Variants in NELL1 observed in about 807,000 individuals in gnomAD.
The protein encoded by NELL1 is neural EGFL like 1.
Under a neutral mutation model 107.4 loss-of-function variants are expected in NELL1, and 76 were observed. The ratio of observed to expected loss-of-function variants is 0.71; its 90% CI spans 0.59 to 0.86. NELL1 has a LOEUF of 0.86. NELL1 is among the 40% of genes least tolerant of loss of function. NELL1 has a pLI of 0.00. For missense variants in NELL1, 1,024 were observed against 1,005.5 expected (o/e 1.02, Z -0.25); for synonymous variants, 353 against 341.2 (o/e 1.03, Z -0.38).
intron 12 of NELL1, among the ~76,000 whole-genome samples, chr11:21,065,950 C>T (rs919561018): frequency 6.6e-6 from 1 of 152,082 alleles, no homozygotes; most frequent in Non-Finnish European, 1.5e-5. Context: ...GGGAACTCAC[C>T]CATGTCTACC....
chr11:21,470,979 A>T (rs1854165728), intron 15 of NELL1, among the ~76,000 whole-genome samples: 1 of 152,132 alleles, frequency 6.6e-6, no homozygotes, highest in Non-Finnish European at 1.5e-5. Flanking sequence ...TTTTTTACAT[A>T]ATAGTCACTT....
chr11:20,712,385 T>G (rs549788765), intron 2 of NELL1, among the ~76,000 whole-genome samples: 1 of 152,262 alleles, frequency 6.6e-6, no homozygotes, highest in African/African-American at 2.4e-5. Context: ...TTTAACTTGG[T>G]TTTCACCTTT....
intron 12 of NELL1, among the ~76,000 whole-genome samples, chr11:21,003,137 G>A (rs745878334): frequency 8.5e-5 from 13 of 152,072 alleles, no homozygotes; most frequent in Non-Finnish European, 1.3e-4. Flanking sequence ...TCCAGGATCT[G>A]TGCGGAATAA....
intron 15 of NELL1, among the ~76,000 whole-genome samples, chr11:21,497,110 C>T (rs868778210): frequency 2.2e-4 from 29 of 133,508 alleles, no homozygotes; most frequent in African/African-American, 8.4e-4. Flanking sequence ...GTCTTTATAG[C>T]AGCATGATTT....
chr11:20,865,073 G>C (rs1351504530), intron 4 of NELL1, among the ~76,000 whole-genome samples: 1 of 152,136 alleles, frequency 6.6e-6, no homozygotes, highest in African/African-American at 2.4e-5. Flanking sequence ...TGACAGTTTT[G>C]GGGGGTTGCT....
At chr11:21,084,248 T>C (rs1221203420) in intron 12 of NELL1, among the ~76,000 whole-genome samples, 1 of 152,182 alleles carries the variant, frequency 6.6e-6, no homozygotes, top group African/African-American at 2.4e-5. Context: ...GCATCAATGT[T>C]AGTGTCAAAG....
intron 5 of NELL1, among the ~76,000 whole-genome samples, chr11:20,901,015 A>G (rs1217672427): frequency 6.6e-6 from 1 of 152,130 alleles, no homozygotes; most frequent in Non-Finnish European, 1.5e-5. Context: ...ATCAAATATC[A>G]TACTTACGGT....
At chr11:21,486,528 G>C (rs117878989) in intron 15 of NELL1, among the ~76,000 whole-genome samples, 1 of 152,236 alleles carries the variant, frequency 6.6e-6, no homozygotes, top group African/African-American at 2.4e-5. Flanking sequence ...TGTTATACAA[G>C]CTATGCAGAT....
intron 14 of NELL1, among the ~76,000 whole-genome samples, chr11:21,230,534 A>G (rs1184490419): frequency 5.9e-5 from 9 of 152,232 alleles, no homozygotes; most frequent in African/African-American, 2.2e-4. Flanking sequence ...AAGACATCCT[A>G]TGAGGTAGGT....
intron 12 of NELL1, among the ~76,000 whole-genome samples, chr11:21,044,601 A>G (rs1853313212): frequency 6.6e-6 from 1 of 152,144 alleles, no homozygotes; most frequent in African/African-American, 2.4e-5. Flanking sequence ...AGATGTTTGA[A>G]GTAGGAAGGA....
chr11:21,357,168 C>T (rs1850953715), intron 14 of NELL1, among the ~76,000 whole-genome samples: 1 of 152,160 alleles, frequency 6.6e-6, no homozygotes, highest in Admixed American at 6.5e-5. Context: ...GGTAGATACC[C>T]TGTAGTGGGA....
chr11:21,440,139 T>A (rs1335608530), intron 15 of NELL1, among the ~76,000 whole-genome samples: 1 of 152,106 alleles, frequency 6.6e-6, no homozygotes, highest in African/African-American at 2.4e-5. Flanking sequence ...TGAATCACAA[T>A]CTTAGGCAAC....
At chr11:21,523,572 T>G (rs1227950719) in intron 15 of NELL1, among the ~76,000 whole-genome samples, 1 of 152,158 alleles carries the variant, frequency 6.6e-6, no homozygotes, top group African/African-American at 2.4e-5. Flanking sequence ...ATTTTCTGAT[T>G]AGCACTTTGC....
chr11:20,792,588 AAT>A (rs1465566793), intron 3 of NELL1, among the ~76,000 whole-genome samples: 12 of 152,082 alleles, frequency 7.9e-5, no homozygotes, highest in South Asian at 6.2e-4. Flanking sequence ...TATTTTATTA[AAT>A]ATCTTTTCAG....
chr11:21,075,235 C>T (rs1189247376), intron 12 of NELL1, among the ~76,000 whole-genome samples: 1 of 152,176 alleles, frequency 6.6e-6, no homozygotes, highest in African/African-American at 2.4e-5. Flanking sequence ...CCTTTTAAAT[C>T]TGCAATTAAA....
intron 2 of NELL1, among the ~76,000 whole-genome samples, chr11:20,778,546 G>T (rs1365114697): frequency 1.1e-5 from 1 of 89,176 alleles, no homozygotes; most frequent in African/African-American, 4.6e-5. Flanking sequence ...CATCATATTA[G>T]CATTTTTAGT....
intron 14 of NELL1, among the ~76,000 whole-genome samples, chr11:21,265,965 AAC>A (rs1222498977): frequency 6.6e-6 from 1 of 151,958 alleles, no homozygotes; most frequent in Non-Finnish European, 1.5e-5. Flanking sequence ...CTTTCAGCCA[AAC>A]AGGAATGCTT....
intron 15 of NELL1, among the ~76,000 whole-genome samples, chr11:21,395,868 A>G (rs1345324561): frequency 6.6e-6 from 1 of 151,570 alleles, no homozygotes; most frequent in African/African-American, 2.4e-5. Context: ...AAAAAAATCA[A>G]CCAAGTGTGA....
chr11:21,406,987 G>A lies in NELL1; in HGVS notation c.1645+36039G>A, dbSNP rs1852252495. On this transcript the variant is annotated intron_variant, in intron 15 of 19. Coordinates refer to ENST00000357134, the MANE Select transcript of NELL1 (RefSeq NM_006157.5). ...TCTCTTCACCCTCCTATCCTTCCTA[G>A]CCTCTGAAAACTACTTTTATGAAAT... 2.6e-5 allele frequency among the ~76,000 whole-genome samples: 4 copies of A among 151,918 alleles called. No homozygotes were observed. In the South Asian group the frequency reaches 8.3e-4, roughly 32 times the overall value.
Sources: gnomAD v4.1 joint callset for allele counts (sites outside exome capture counted in the v4.1 genomes callset) on GRCh38, gnomAD v4.1.1 for gene constraint, MANE v1.5 for transcripts, NCBI Gene and HGNC (gene_info 2026-07-23, HGNC 2026-07-21) for gene names.